The following GALNT13 variants were observed in gnomAD, a reference collection of about 807,000 sequenced individuals.
GALNT13 encodes the protein UDP-GalNAc:polypeptide N-acetylgalactosaminyltransferase 13.
GALNT13 carries 28 observed loss-of-function variants against 64.2 expected under a neutral mutation model. The ratio of observed to expected loss-of-function variants is 0.44; its 90% CI spans 0.32 to 0.60. The LOEUF is 0.60. GALNT13 is among the 20% of genes least tolerant of loss of function. The probability of loss-of-function intolerance (pLI) is 0.05; values close to 1 mark genes in which losing one functional copy is unlikely to be tolerated. For missense variants in GALNT13, 577 were observed against 669.8 expected (o/e 0.86, Z 1.53); for synonymous variants, 214 against 224.6 (o/e 0.95, Z 0.42).
chr2:153,896,552 T>A (rs1480892402), intron 1 of GALNT13, among the ~76,000 whole-genome samples: 2 of 152,044 alleles, frequency 1.3e-5, no homozygotes, highest in Non-Finnish European at 1.5e-5. Flanking sequence ...TGATTTTGAA[T>A]TATTTTTTAA....
chr2:154,004,449 C>G (rs1696119803), intron 3 of GALNT13, among the ~76,000 whole-genome samples: 1 of 152,140 alleles, frequency 6.6e-6, no homozygotes, highest in Non-Finnish European at 1.5e-5. Context: ...CATGATCTGC[C>G]TGCTTCGGCC....
At chr2:153,698,103 A>G in the GALNT13 span, among the ~76,000 whole-genome samples, 66 of 152,334 alleles carry the variant, frequency 4.3e-4, no homozygotes, top group East Asian at 0.011. Context: ...AGCACTAAAT[A>G]TGGAAAGGAA....
chr2:154,242,633 G>A (rs9288324), intron 5 of GALNT13, 65 bp from the exon 6 acceptor site: 138,726 of 997,738 alleles, frequency 0.14, 10,348 homozygotes, highest in Middle Eastern at 0.19. Flanking sequence ...CATCTTGGTA[G>A]TATCTCTGCT....
chr2:153,068,725 A>AAGCCCTTGATTTGCTT, the GALNT13 span, among the ~76,000 whole-genome samples: 1 of 152,122 alleles, frequency 6.6e-6, no homozygotes, highest in Non-Finnish European at 1.5e-5. Flanking sequence ...TGGATTTGCT[A>AAGCCCTTGATTTGCTT]AGCCCTTGAT....
chr2:153,242,071 C>T, the GALNT13 span, among the ~76,000 whole-genome samples: 2 of 152,214 alleles, frequency 1.3e-5, no homozygotes, highest in East Asian at 1.9e-4. Context: ...TCATAGTCAG[C>T]CCTAGAAATT....
chr2:154,098,111 G>A (rs1210916763), intron 3 of GALNT13, among the ~76,000 whole-genome samples: 1 of 128,148 alleles, frequency 7.8e-6, no homozygotes, highest in African/African-American at 3.2e-5. Flanking sequence ...TTTTTTGTCA[G>A]CAGTTTTAAA....
the GALNT13 span, among the ~76,000 whole-genome samples, chr2:153,809,966 G>A: frequency 2.6e-5 from 4 of 151,574 alleles, no homozygotes; most frequent in Admixed American, 1.3e-4. Context: ...TTTTTGTTTT[G>A]TTTTGTTTTG....
At chr2:153,525,288 T>C in the GALNT13 span, among the ~76,000 whole-genome samples, 1 of 152,174 alleles carries the variant, frequency 6.6e-6, no homozygotes, top group Non-Finnish European at 1.5e-5. Flanking sequence ...GACTCAGACT[T>C]ACTGGCTTCA....
At chr2:153,166,849 A>T in the GALNT13 span, among the ~76,000 whole-genome samples, 2 of 152,166 alleles carry the variant, frequency 1.3e-5, no homozygotes, top group Non-Finnish European at 2.9e-5. Flanking sequence ...TACAGTGGGG[A>T]GGCCCATATG....
At chr2:153,803,713 AAG>A in the GALNT13 span, among the ~76,000 whole-genome samples, 2 of 143,328 alleles carry the variant, frequency 1.4e-5, no homozygotes, top group African/African-American at 5.2e-5. Context: ...AAAAAAGAAA[AAG>A]AAAAAAGAAA....
the GALNT13 span, among the ~76,000 whole-genome samples, chr2:153,187,877 A>G: frequency 6.6e-6 from 1 of 152,160 alleles, no homozygotes; most frequent in African/African-American, 2.4e-5. Flanking sequence ...ATAAAATAGG[A>G]TAAGTCATCA....
intron 1 of GALNT13, among the ~76,000 whole-genome samples, chr2:153,897,903 T>C (rs1484428537): frequency 6.6e-6 from 1 of 151,948 alleles, no homozygotes; most frequent in Non-Finnish European, 1.5e-5. Flanking sequence ...CCCATCATTT[T>C]ATAAATGCCT....
At chr2:153,759,770 A>G in the GALNT13 span, among the ~76,000 whole-genome samples, 1 of 151,964 alleles carries the variant, frequency 6.6e-6, no homozygotes, top group Non-Finnish European at 1.5e-5. Context: ...TTGGCCTGCA[A>G]TTGTTTTTCT....
chr2:153,669,059 T>C, the GALNT13 span, among the ~76,000 whole-genome samples: 1 of 152,138 alleles, frequency 6.6e-6, no homozygotes, highest in African/African-American at 2.4e-5. Flanking sequence ...CTGCTTGCAG[T>C]GAGGCCTCAG....
the GALNT13 span, among the ~76,000 whole-genome samples, chr2:153,125,797 G>C: frequency 6.6e-6 from 1 of 152,076 alleles, no homozygotes; most frequent in African/African-American, 2.4e-5. Context: ...TTCTTTGCTG[G>C]CATTATTGAA....
intron 11 of GALNT13, among the ~76,000 whole-genome samples, chr2:154,432,756 G>T (rs1700766211): frequency 6.6e-6 from 1 of 152,134 alleles, no homozygotes; most frequent in Non-Finnish European, 1.5e-5. Context: ...AAGGACGCCA[G>T]TCCTTTTAGA....
upstream of GALNT13, among the ~76,000 whole-genome samples, chr2:153,867,012 A>G (rs1450138787): frequency 1.3e-5 from 2 of 152,348 alleles, no homozygotes; most frequent in African/African-American, 2.4e-5. Flanking sequence ...TCTATTCAAC[A>G]TAATGATAAA....
intron 4 of GALNT13, among the ~76,000 whole-genome samples, chr2:154,162,456 A>G (rs1003803367): frequency 2.0e-5 from 3 of 152,178 alleles, no homozygotes; most frequent in Non-Finnish European, 4.4e-5. Context: ...AGAAAACAGG[A>G]TGCTGAAAGA....
At chr2:154,048,352 A>T (rs1699396297) in intron 3 of GALNT13, among the ~76,000 whole-genome samples, 2 of 152,120 alleles carry the variant, frequency 1.3e-5, no homozygotes, top group South Asian at 4.1e-4. Context: ...AAACCATATC[A>T]CCAGACATTG....
Sources: allele counts gnomAD v4.1 joint callset (sites outside exome capture counted in the v4.1 genomes callset), GRCh38; gene constraint gnomAD v4.1.1; transcripts MANE v1.5; gene names NCBI Gene and HGNC (gene_info 2026-07-23, HGNC 2026-07-21).